The following RTEL1 variants were observed in gnomAD, a reference collection of about 807,000 sequenced individuals.
RTEL1 encodes regulator of telomere elongation helicase 1.
RTEL1 carries 86 observed loss-of-function variants against 162.2 expected under a neutral mutation model. The observed-to-expected ratio is 0.53, with a 90% confidence interval of 0.45 to 0.63. The LOEUF is 0.63. Ranked by LOEUF, RTEL1 falls within the 30% of genes least tolerant of loss-of-function variation. RTEL1 has a pLI of 0.00. For missense variants in RTEL1, 1,941 were observed against 1,750.2 expected, an observed-to-expected ratio of 1.11 and a Z score of -1.95; for synonymous variants, 958 against 717.9, an observed-to-expected ratio of 1.33 and a Z score of -5.35.
chr20:63,685,847 G>C lies in RTEL1; in HGVS notation c.1323G>C (p.Trp441Cys). ...HRRTAQRSDA[W>C]STTAARKRGK... ...GGACGGCTCAGCGGTCTGATGCCTGGAGCACCACTGCAGCCAGAAAGCGAG... is the reference window on the plus strand; with the variant it reads ...GGACGGCTCAGCGGTCTGATGCCTGCAGCACCACTGCAGCCAGAAAGCGAG... Residue 441 changes from tryptophan (W) to cysteine (C), a missense_variant, in exon 16 of 35, where the codon TGG becomes TGC. Trp to Cys is a radical substitution (Grantham distance 215). Transcript: ENST00000360203. 1.2e-6 allele frequency: 2 copies of C among 1,612,640 alleles called. No individual in the cohort carries two copies. Among genetic ancestry groups the C allele is most frequent in the Non-Finnish European group, 1.7e-6 (2 of 1,179,894 alleles).
At position 63,661,781 on chromosome 20, in the gene RTEL1, C is replaced by A; in HGVS notation, c.302-69C>A. ...CTGCAGGGCCGAGTTAGCCGAATGC[C>A]ACCTGCCTTTGATACGTGAGAACGT... On this transcript the variant is annotated intron_variant, in intron 3 of 34. Transcript: ENST00000360203. The surrounding 1 kb of genome is among the most constrained non-coding windows in gnomAD (Gnocchi z 5.1). 1 of 1,384,348 alleles carries A rather than the reference C, an allele frequency of 7.2e-7. No homozygotes were observed. The highest frequency in any genetic ancestry group is 1.0e-6 in the Non-Finnish European group (1 of 971,452). The allele number at this position is 1,384,348 out of a possible 1,614,324, so 85.8% of individuals were successfully genotyped here.
At chr20:63,676,395 G>A (rs2090349790) in intron 10 of RTEL1, among the ~76,000 whole-genome samples, 1 of 152,118 alleles carries the variant, frequency 6.6e-6, no homozygotes, top group Non-Finnish European at 1.5e-5. Flanking sequence ...GTTAGACTGC[G>A]GCCACCGTTT....
chr20:63,681,005 G>T (rs1283125379), intron 14 of RTEL1: 2 of 985,270 alleles, frequency 2.0e-6, no homozygotes, highest in Non-Finnish European at 2.4e-6. Flanking sequence ...TGCCCTGTCC[G>T]GGCCCTCAGG....
chr20:63,687,665 G>C lies in RTEL1; in HGVS notation c.1376G>C (p.Ser459Thr), dbSNP rs1354584488. The part of the protein sequence containing the change: ...RGKVLSYWCF[S>T]PGHSMHELVR... ...AAGGTGCTGAGCTACTGGTGCTTCA[G>C]TCCCGGCCACAGCATGCACGAGCTG... The change falls in exon 17 of 35, where the codon AGT becomes ACT. Residue 459 changes from serine (S) to threonine (T), a missense_variant. Coordinates refer to ENST00000360203, the MANE Select transcript of RTEL1 (RefSeq NM_001283009.2). 1 of 1,609,582 alleles carries C rather than the reference G, an allele frequency of 6.2e-7. No individual in the cohort carries two copies. The highest frequency in any genetic ancestry group is 8.5e-7 in the Non-Finnish European group (1 of 1,179,572).
chr20:63,661,314 T>C lies in RTEL1; in HGVS notation c.119T>C (p.Leu40Pro). Residue 40 changes from leucine to proline, a missense_variant, in exon 3 of 35, where the codon CTG becomes CCG. Transcript: ENST00000360203. This position sits in a 1 kb window ranked among gnomAD's most constrained non-coding sequence, Gnocchi z 5.1. ...TCCGTTCAGAAGGTGAATGGCATCC[T>C]GGAGAGCCCTACGGGTACAGGGAAG... ...ECLQQKVNGILESPTGTGKTL... is the reference protein window; with the variant it reads ...ECLQQKVNGIPESPTGTGKTL... 1 of 1,612,326 alleles carries C rather than the reference T, an allele frequency of 6.2e-7. No homozygotes were observed.
At position 63,662,859 on chromosome 20, in the gene RTEL1, C is replaced by T. The variant is rs866785110; in HGVS notation, c.508C>T (p.Arg170Cys). Residue 170 changes from arginine to cysteine, a missense_variant, in exon 6 of 35, where the codon CGC becomes TGC. Transcript: ENST00000360203. ...CTTGTGCCGTAAGAAGGTGGCAAGT[C>T]GCTCCTGTCATTTCTACAACAACGT... is the stretch of plus-strand genomic sequence containing the variant. ...IHLCRKKVAS[R>C]SCHFYNNVEE... 5 of 1,613,994 alleles carry T rather than the reference C, an allele frequency of 3.1e-6. No individual in the cohort carries two copies. The highest frequency in any genetic ancestry group is 1.7e-5 in the Admixed American group (1 of 60,018).
rs200521508 is a variant in RTEL1 at position 63,690,397 on chromosome 20, A to G, written c.2369A>G (p.Lys790Arg). ...CCCTTCTTCTCCACCAGGAAAGCTA[A>G]GAGTCTGGACCTGCATGTCCCCAGC... ...PGPFFSTRKA[K>R]SLDLHVPSLK... The change falls in exon 26 of 35, where the codon AAG becomes AGG. Residue 790 changes from lysine (K) to arginine (R), a missense_variant. Lys to Arg is a conservative substitution (Grantham distance 26). Transcript: ENST00000360203. The G allele has an allele frequency of 3.1e-6, 5 of 1,607,570 alleles. No individual in the cohort carries two copies. The highest frequency in any genetic ancestry group is 2.5e-6 in the Non-Finnish European group (3 of 1,176,958).
intron 13 of RTEL1, 121 bp from the exon 14 acceptor site, chr20:63,680,543 C>A (rs1178489362): frequency 1.9e-6 from 2 of 1,042,406 alleles, no homozygotes; most frequent in African/African-American, 3.1e-5. Context: ...CCTGGGCCCC[C>A]CATTGGGCAG....
Position 63,661,736 on chromosome 20 carries a change from G to T in RTEL1, c.302-114G>T. 1.0e-6 allele frequency: 1 copy of T among 989,698 alleles called. No individual in the cohort carries two copies. Among genetic ancestry groups the T allele is most frequent in the East Asian group, 2.5e-5 (1 of 39,762 alleles). The allele number at this position is 989,698 out of a possible 1,614,324, so 61.3% of individuals were successfully genotyped here. On this transcript the variant is annotated intron_variant, in intron 3 of 34. Coordinates refer to ENST00000360203, the MANE Select transcript of RTEL1 (RefSeq NM_001283009.2). The surrounding 1 kb of genome is among the most constrained non-coding windows in gnomAD (Gnocchi z 5.1). ...CCATTTTTGATAAACCAGTATCTGG[G>T]GTGTCAGATTCTTGGCTGTCTGCAG... is the stretch of plus-strand genomic sequence containing the variant.
chr20:63,687,456 G>A, intron 16 of RTEL1, 182 bp from the exon 17 acceptor site: 1 of 690,968 alleles, frequency 1.4e-6, no homozygotes, highest in Non-Finnish European at 2.3e-6. Flanking sequence ...GCCCCAAGCT[G>A]GCAGGCTCAC....
At chr20:63,681,040 C>T in intron 14 of RTEL1, 1 of 985,348 alleles carries the variant, frequency 1.0e-6, no homozygotes, top group Non-Finnish European at 1.2e-6. Flanking sequence ...CTGCTGGCAG[C>T]CCCAGCAGCC....
intron 12 of RTEL1, among the ~76,000 whole-genome samples, chr20:63,678,642 C>CTCCCACGAACAGCACACACAG (rs2090412032): frequency 6.9e-6 from 1 of 144,382 alleles, no homozygotes; most frequent in Non-Finnish European, 1.5e-5. Context: ...AGCACACACA[C>CTCCCACGAACAGCACACACAG]TCCCACGGAA....
At chr20:63,678,641 ACT>A (rs1411800187) in intron 12 of RTEL1, among the ~76,000 whole-genome samples, 82 of 113,014 alleles carry the variant, frequency 7.3e-4, no homozygotes, top group African/African-American at 2.6e-3. Flanking sequence ...CAGCACACAC[ACT>A]CCCACGGAAC....
chr20:63,696,203 A>T lies in RTEL1; in HGVS notation c.*345A>T, dbSNP rs544971610. 2 of 394,948 alleles carry T rather than the reference A, an allele frequency of 5.1e-6. No individual in the cohort carries two copies. Among genetic ancestry groups the T allele is most frequent in the Admixed American group, 8.3e-5 (2 of 23,964 alleles). 24.5% of individuals were successfully genotyped at this position (394,948 alleles called of 1,614,324 possible). A position where few individuals can be genotyped will look rare whatever the true frequency, so the allele number is the denominator to read the frequency against. ...CCCCGTGGGCACGTGTCCACTTTTA[A>T]TCAGGGGACAGGGCTCTCTAATAAA... On this transcript the variant is annotated 3_prime_UTR_variant, in exon 35 of 35. Coordinates refer to ENST00000360203, the MANE Select transcript of RTEL1 (RefSeq NM_001283009.2).
chr20:63,667,683 G>A (rs531697179), intron 8 of RTEL1, 130 bp downstream of exon 8: 37 of 751,624 alleles, frequency 4.9e-5, no homozygotes, highest in Non-Finnish European at 4.7e-6. Flanking sequence ...ACTCACCTCT[G>A]TCACTGGGCA....
In RTEL1 at chr20:63,658,383, G is replaced by C. The variant is rs746295598; in HGVS notation, c.-254G>C. ...AACTCTGAGCTGGCTGACAGCTGGG[G>C]ACGGGTGGCGGCCCTCGACTGGAGT... On this transcript the variant is annotated 5_prime_UTR_variant, in exon 1 of 35. Transcript: ENST00000360203. The C allele has an allele frequency of 2.6e-5, 4 of 152,506 alleles. No individual in the cohort carries two copies. Among genetic ancestry groups the C allele is most frequent in the Non-Finnish European group, 4.4e-5 (3 of 68,116 alleles). The allele number at this position is 152,506 out of a possible 1,614,324, so 9.4% of individuals were successfully genotyped here.
chr20:63,666,821 T>G (rs1199524523), intron 7 of RTEL1, among the ~76,000 whole-genome samples: 1 of 141,652 alleles, frequency 7.1e-6, no homozygotes, highest in Non-Finnish European at 1.5e-5. Flanking sequence ...TGAGACCCCA[T>G]GCCTGGCCAG....
chr20:63,678,564 C>CGGAACGGCACACACACCCAT, intron 12 of RTEL1, among the ~76,000 whole-genome samples: 1 of 135,216 alleles, frequency 7.4e-6, no homozygotes, highest in South Asian at 2.4e-4. Flanking sequence ...CAGCCCCCCA[C>CGGAACGGCACACACACCCAT]GGAACGGCAC....
chr20:63,675,522 A>G (rs118149249), intron 10 of RTEL1, among the ~76,000 whole-genome samples: 3,291 of 151,656 alleles, frequency 0.022, 59 homozygotes, highest in Non-Finnish European at 0.036. Context: ...ATATATATAC[A>G]TATATTTAAG....
Sources: allele counts gnomAD v4.1 joint callset (sites outside exome capture counted in the v4.1 genomes callset), GRCh38; gene constraint gnomAD v4.1.1; non-coding constraint Gnocchi (gnomAD v3.1); transcripts MANE v1.5; gene names NCBI Gene and HGNC (gene_info 2026-07-23, HGNC 2026-07-21).